Variants in ERO1B observed in about 807,000 individuals in gnomAD.
The protein encoded by ERO1B is endoplasmic reticulum oxidoreductase 1 beta, also known as ERO1-like protein beta.
A neutral mutation model predicts 75.3 loss-of-function variants in ERO1B; 49 were observed. The ratio of observed to expected loss-of-function variants is 0.65; its 90% CI spans 0.52 to 0.83. ERO1B has a LOEUF of 0.83. Among genes scored for constraint, ERO1B ranks in the 40% least tolerant of loss-of-function variants. The probability of loss-of-function intolerance (pLI) is 0.00; values close to 1 mark genes in which losing one functional copy is unlikely to be tolerated. For synonymous variants in ERO1B, 191 were observed against 192.9 expected (o/e 0.99, Z 0.08); for missense variants, 512 against 560.1 (o/e 0.91, Z 0.87).
At position 236,243,524 on chromosome 1, in the gene ERO1B, A is replaced by G. The variant is rs750139635; in HGVS notation, c.432-29T>C. On this transcript the variant is annotated intron_variant, in intron 5 of 15. Coordinates refer to ENST00000354619, the MANE Select transcript of ERO1B (RefSeq NM_019891.4). ...TGGGAAGGAGGAATAAAAAAGAAAA[A>G]TTATTAAATTTGGAGCTGAAACTTT... 5.3e-6 allele frequency: 8 copies of G among 1,495,350 alleles called. No homozygotes were observed. In the East Asian group the frequency reaches 1.4e-4, roughly 26 times the overall value. The allele number at this position is 1,495,350 out of a possible 1,614,324, so 92.6% of individuals were successfully genotyped here.
intron 5 of ERO1B, among the ~76,000 whole-genome samples, chr1:236,245,297 A>AATAT (rs35564350): frequency 5.8e-5 from 2 of 34,780 alleles, no homozygotes; most frequent in African/African-American, 1.1e-4. Context: ...GCCCAGTCAA[A>AATAT]ATATATATAT....
chr1:236,257,545 T>C (rs892383275), intron 2 of ERO1B, among the ~76,000 whole-genome samples: 6 of 118,272 alleles, frequency 5.1e-5, no homozygotes, highest in African/African-American at 3.2e-5. Context: ...AATGAAGAAA[T>C]AGGGAAATAT....
At chr1:236,261,854 T>C (rs1344886643) in intron 2 of ERO1B, among the ~76,000 whole-genome samples, 4 of 152,128 alleles carry the variant, frequency 2.6e-5, no homozygotes, top group South Asian at 2.1e-4. Context: ...GGAGGATCAG[T>C]TGAGGTCAGT....
chr1:236,244,051 T>G (rs995010430), intron 5 of ERO1B, among the ~76,000 whole-genome samples: 4 of 152,148 alleles, frequency 2.6e-5, no homozygotes, highest in Admixed American at 2.0e-4. Flanking sequence ...ATGATCAAGA[T>G]TTCTAACTTG....
intron 1 of ERO1B, among the ~76,000 whole-genome samples, chr1:236,279,519 A>AAAAAAAAAAAAAAAG (rs1665779633): frequency 1.4e-5 from 2 of 143,256 alleles, no homozygotes; most frequent in African/African-American, 2.6e-5. Context: ...AAAAAAAAAA[A>AAAAAAAAAAAAAAAG]ACAGCACAGT....
At chr1:236,254,978 A>T (rs1339875464) in intron 2 of ERO1B, among the ~76,000 whole-genome samples, 1 of 151,174 alleles carries the variant, frequency 6.6e-6, no homozygotes, top group African/African-American at 2.4e-5. Context: ...GCTGGAGTGC[A>T]GTGGCACGAA....
chr1:236,226,015 C>T lies in ERO1B; in HGVS notation c.1052+254G>A, dbSNP rs1664269071. Among the ~76,000 whole-genome samples the T allele has an allele frequency of 2.0e-5, 3 of 152,158 alleles. No individual in the cohort carries two copies. The South Asian group carries it at 6.2e-4, about 32-fold the overall frequency. ...ATTAAAGTAGCACTAAATTTTGATA[C>T]TACATAAAATTTAGTGATATTTTAA... On this transcript the variant is annotated intron_variant, in intron 12 of 15. Transcript: ENST00000354619.
chr1:236,231,430 G>C (rs1267083150), intron 9 of ERO1B, among the ~76,000 whole-genome samples: 2 of 149,166 alleles, frequency 1.3e-5, no homozygotes, highest in Non-Finnish European at 3.0e-5. Context: ...CAAAAAAATG[G>C]TATGTGAGCT....
chr1:236,267,938 T>C (rs1257784634), intron 2 of ERO1B: 1 of 151,728 alleles, frequency 6.6e-6, no homozygotes, highest in Non-Finnish European at 1.5e-5. Flanking sequence ...ATTGCAGTAC[T>C]TCAGGAACGG....
chr1:236,264,753 G>A (rs1182199015), intron 2 of ERO1B, among the ~76,000 whole-genome samples: 4 of 152,096 alleles, frequency 2.6e-5, no homozygotes, highest in Non-Finnish European at 4.4e-5. Flanking sequence ...CCTGAGGCAG[G>A]AGAATCACTT....
At chr1:236,264,778 G>T (rs1665380115) in intron 2 of ERO1B, among the ~76,000 whole-genome samples, 1 of 152,080 alleles carries the variant, frequency 6.6e-6, no homozygotes, top group South Asian at 2.1e-4. Flanking sequence ...CCAGGAGGTG[G>T]AGATTGCAGT....
chr1:236,279,877 G>A (rs1558525745), intron 1 of ERO1B, among the ~76,000 whole-genome samples: 1 of 151,052 alleles, frequency 6.6e-6, no homozygotes, highest in Non-Finnish European at 1.5e-5. Flanking sequence ...AAGTACTGCT[G>A]GCAACAAAAA....
At chr1:236,238,911 A>G (rs537129979) in intron 6 of ERO1B, among the ~76,000 whole-genome samples, 2 of 152,244 alleles carry the variant, frequency 1.3e-5, no homozygotes, top group South Asian at 4.1e-4. Flanking sequence ...ACTTTAAGGG[A>G]GCTAAAAAAT....
intron 1 of ERO1B, among the ~76,000 whole-genome samples, chr1:236,280,262 C>T (rs866176028): frequency 6.6e-6 from 1 of 152,336 alleles, no homozygotes; most frequent in South Asian, 2.1e-4. Flanking sequence ...AATGGGAACT[C>T]TCATTTCAGA....
At chr1:236,249,430 C>T (rs1041709325) in intron 5 of ERO1B, among the ~76,000 whole-genome samples, 5 of 152,058 alleles carry the variant, frequency 3.3e-5, no homozygotes, top group African/African-American at 1.2e-4. Context: ...AATTTGAGGC[C>T]ATTTATATAT....
chr1:236,279,862 A>T (rs931134409), intron 1 of ERO1B, among the ~76,000 whole-genome samples: 1 of 149,858 alleles, frequency 6.7e-6, no homozygotes, highest in Non-Finnish European at 1.5e-5. Context: ...AAAAAAAAAG[A>T]AAGTAAGTAC....
chr1:236,240,038 G>T (rs374276942), intron 6 of ERO1B, among the ~76,000 whole-genome samples: 2 of 150,864 alleles, frequency 1.3e-5, no homozygotes. Context: ...CCATGTAGCT[G>T]GGACTACAGA....
chr1:236,230,931 T>TA (rs1664392391), intron 9 of ERO1B, among the ~76,000 whole-genome samples: 2 of 149,524 alleles, frequency 1.3e-5, no homozygotes, highest in Non-Finnish European at 2.9e-5. Flanking sequence ...CCTGCCTCTT[T>TA]TAAAAAAAAA....
chr1:236,245,578 A>T (rs1206497647), intron 5 of ERO1B, among the ~76,000 whole-genome samples: 308 of 2,966 alleles, frequency 0.1, 70 homozygotes, highest in African/African-American at 0.17. Flanking sequence ...ATATATATAT[A>T]TATTTTTTTT....
Sources: allele counts gnomAD v4.1 joint callset (sites outside exome capture counted in the v4.1 genomes callset), GRCh38; gene constraint gnomAD v4.1.1; transcripts MANE v1.5; gene names NCBI Gene and HGNC (gene_info 2026-07-23, HGNC 2026-07-21).